Variants in GRIN2B observed in about 807,000 individuals in gnomAD.
The protein encoded by GRIN2B is glutamate receptor ionotropic, NMDA 2B.
In GRIN2B, 5 loss-of-function variants were observed where a neutral mutation model predicts 114.5. That is an observed-to-expected ratio of 0.04 (90% confidence interval 0.02 to 0.09). GRIN2B has a LOEUF of 0.09. GRIN2B is among the 10% of genes least tolerant of loss of function. GRIN2B has a pLI of 1.00. For synonymous variants in GRIN2B, 787 were observed against 745.1 expected, an observed-to-expected ratio of 1.06 and a Z score of -0.92; for missense variants, 1,108 against 1,943.5, an observed-to-expected ratio of 0.57 and a Z score of 8.08.
chr12:13,737,098 C>T (rs1863198479), intron 4 of GRIN2B, among the ~76,000 whole-genome samples: 1 of 151,526 alleles, frequency 6.6e-6, no homozygotes, highest in Non-Finnish European at 1.5e-5. Context: ...CTTGTCAAGC[C>T]CAAAAGAGGA....
intron 4 of GRIN2B, among the ~76,000 whole-genome samples, chr12:13,752,233 G>A (rs1863495454): frequency 6.6e-6 from 1 of 152,136 alleles, no homozygotes; most frequent in African/African-American, 2.4e-5. Context: ...TATGCATTAA[G>A]TTTTTCTGAA....
chr12:13,772,430 C>A (rs538416345), intron 3 of GRIN2B, among the ~76,000 whole-genome samples: 1 of 152,306 alleles, frequency 6.6e-6, no homozygotes, highest in South Asian at 2.1e-4. Context: ...AAAAGCTAAA[C>A]CACCCACTTC....
intron 10 of GRIN2B, among the ~76,000 whole-genome samples, chr12:13,598,202 A>G (rs1159185031): frequency 1.3e-5 from 2 of 152,148 alleles, no homozygotes; most frequent in Non-Finnish European, 2.9e-5. Flanking sequence ...CATTGGACCA[A>G]CCTCAGTGCA....
intron 3 of GRIN2B, among the ~76,000 whole-genome samples, chr12:13,803,777 G>A (rs17761286): frequency 0.045 from 6,922 of 152,160 alleles, 215 homozygotes; most frequent in Admixed American, 0.069. Context: ...ACAACGGAGA[G>A]CCAAAAATGA....
At chr12:13,792,429 G>A (rs993151993) in intron 3 of GRIN2B, among the ~76,000 whole-genome samples, 2 of 152,176 alleles carry the variant, frequency 1.3e-5, no homozygotes, top group African/African-American at 4.8e-5. Context: ...GGGTCCTCAG[G>A]GAATAAGAAA....
At chr12:13,813,654 C>T (rs950312007) in intron 3 of GRIN2B, among the ~76,000 whole-genome samples, 7 of 152,212 alleles carry the variant, frequency 4.6e-5, no homozygotes, top group Non-Finnish European at 1.0e-4. Flanking sequence ...AAGATGAAGG[C>T]GCTTGCCAGA....
intron 10 of GRIN2B, among the ~76,000 whole-genome samples, chr12:13,576,194 C>A (rs1476268483): frequency 6.6e-6 from 1 of 152,092 alleles, no homozygotes; most frequent in East Asian, 1.9e-4. Flanking sequence ...TTGAACTGTA[C>A]TAAAATTCAC....
intron 3 of GRIN2B, among the ~76,000 whole-genome samples, chr12:13,773,493 A>G (rs1426760549): frequency 6.6e-6 from 1 of 152,224 alleles, no homozygotes; most frequent in Non-Finnish European, 1.5e-5. Context: ...TTGGAACAGA[A>G]GTCTACATCT....
chr12:13,607,243 TAA>T (rs1166013487), intron 10 of GRIN2B, among the ~76,000 whole-genome samples: 3 of 81,492 alleles, frequency 3.7e-5, no homozygotes, highest in African/African-American at 2.2e-4. Context: ...ATATATTATA[TAA>T]AAAATATATA....
intron 2 of GRIN2B, among the ~76,000 whole-genome samples, chr12:13,884,223 C>T (rs1440218634): frequency 1.3e-5 from 2 of 151,264 alleles, no homozygotes; most frequent in Non-Finnish European, 2.9e-5. Flanking sequence ...TTTGGTTTTG[C>T]CATGTAAATT....
At chr12:13,916,667 G>C (rs1326500232) in intron 2 of GRIN2B, among the ~76,000 whole-genome samples, 1 of 150,562 alleles carries the variant, frequency 6.6e-6, no homozygotes, top group Non-Finnish European at 1.5e-5. Flanking sequence ...GGGCAGCAAA[G>C]CAAGACCCCA....
At chr12:13,861,048 A>G (rs1041221834) in intron 3 of GRIN2B, among the ~76,000 whole-genome samples, 1 of 152,176 alleles carries the variant, frequency 6.6e-6, no homozygotes, top group African/African-American at 2.4e-5. Context: ...ATTTCATTTT[A>G]TCTTCAAAAT....
chr12:13,977,693 G>A (rs1863050440), intron 2 of GRIN2B, among the ~76,000 whole-genome samples: 1 of 152,076 alleles, frequency 6.6e-6, no homozygotes, highest in East Asian at 1.9e-4. Context: ...GAGAACAAAG[G>A]CCCTGAGATG....
At chr12:13,694,656 CATATATAT>C (rs67570541) in intron 4 of GRIN2B, among the ~76,000 whole-genome samples, 865 of 71,260 alleles carry the variant, frequency 0.012, 12 homozygotes, top group African/African-American at 0.021. Flanking sequence ...AAGAAAATGT[CATATATAT>C]ATATATATAT....
At chr12:13,936,693 T>C (rs1385799551) in intron 2 of GRIN2B, among the ~76,000 whole-genome samples, 1 of 152,064 alleles carries the variant, frequency 6.6e-6, no homozygotes, top group Non-Finnish European at 1.5e-5. Flanking sequence ...AAATGGAAAA[T>C]GTGACACAGA....
intron 2 of GRIN2B, among the ~76,000 whole-genome samples, chr12:13,963,155 A>T (rs563407248): frequency 1.2e-4 from 18 of 152,158 alleles, no homozygotes; most frequent in African/African-American, 4.3e-4. Context: ...TTTTTAAAAA[A>T]TTTCCCTCTT....
chr12:13,578,811 C>T (rs1160964643), intron 10 of GRIN2B, among the ~76,000 whole-genome samples: 1 of 152,080 alleles, frequency 6.6e-6, no homozygotes, highest in Non-Finnish European at 1.5e-5. Context: ...GACTGGCTGT[C>T]CTGAAAAGGC....
intron 10 of GRIN2B, among the ~76,000 whole-genome samples, chr12:13,595,245 G>A (rs1284240059): frequency 6.6e-6 from 1 of 152,176 alleles, no homozygotes; most frequent in Non-Finnish European, 1.5e-5. Flanking sequence ...CTCATGATGT[G>A]AGGTCTTAGT....
chr12:13,624,048 C>T (rs1445274865), intron 5 of GRIN2B, among the ~76,000 whole-genome samples: 1 of 152,168 alleles, frequency 6.6e-6, no homozygotes, highest in African/African-American at 2.4e-5. Context: ...TCTCCACTGC[C>T]ATGATACTGT....
Sources: allele counts gnomAD v4.1 joint callset (sites outside exome capture counted in the v4.1 genomes callset), GRCh38; gene constraint gnomAD v4.1.1; transcripts MANE v1.5; gene names NCBI Gene and HGNC (gene_info 2026-07-23, HGNC 2026-07-21).